DLGAP2: variants seen among roughly 807,000 people sequenced by gnomAD.
DLGAP2 encodes the protein disks large-associated protein 2.
A neutral mutation model predicts 100.3 loss-of-function variants in DLGAP2; 26 were observed. The ratio of observed to expected loss-of-function variants is 0.26; its 90% CI spans 0.19 to 0.36. DLGAP2 has a LOEUF of 0.36. Ranked by LOEUF, DLGAP2 falls within the 10% of genes least tolerant of loss-of-function variation. The pLI is 1.00. For missense variants in DLGAP2, 1,858 were observed against 1,453.2 expected (o/e 1.28, Z -4.53); for synonymous variants, 886 against 630.1 (o/e 1.41, Z -6.08).
At chr8:764,842 CT>C (rs1257178594) in intron 1 of DLGAP2, among the ~76,000 whole-genome samples, 2 of 152,240 alleles carry the variant, frequency 1.3e-5, no homozygotes, top group Admixed American at 1.3e-4. Context: ...AGCCACAGAA[CT>C]TTAAAAAAAT....
At chr8:1,143,276 A>T (rs887081613) in intron 2 of DLGAP2, among the ~76,000 whole-genome samples, 2 of 152,206 alleles carry the variant, frequency 1.3e-5, no homozygotes, top group Non-Finnish European at 2.9e-5. Flanking sequence ...TGAATGACGC[A>T]CTGAAACATA....
intron 2 of DLGAP2, among the ~76,000 whole-genome samples, chr8:1,060,792 A>G (rs907896806): frequency 1.3e-5 from 2 of 152,150 alleles, no homozygotes; most frequent in Non-Finnish European, 2.9e-5. Context: ...CGGGTTCCAC[A>G]TGCTGACCTC....
intron 2 of DLGAP2, among the ~76,000 whole-genome samples, chr8:980,395 C>T (rs1323944331): frequency 6.6e-6 from 1 of 152,176 alleles, no homozygotes; most frequent in East Asian, 1.9e-4. Context: ...GATAGACCTT[C>T]TAAAAACACA....
chr8:1,437,509 G>C (rs1021690909), intron 3 of DLGAP2, among the ~76,000 whole-genome samples: 1 of 152,122 alleles, frequency 6.6e-6, no homozygotes, highest in South Asian at 2.1e-4. Context: ...TTCTGACATC[G>C]ACCTAACCTC....
At chr8:1,512,119 C>T (rs1002183835) in intron 4 of DLGAP2, among the ~76,000 whole-genome samples, 25 of 152,222 alleles carry the variant, frequency 1.6e-4, no homozygotes, top group African/African-American at 5.5e-4. Flanking sequence ...CTCCCTAACG[C>T]GTCTGGTCCA....
At chr8:883,463 C>G (rs1223311263) in intron 1 of DLGAP2, 1 of 151,906 alleles carries the variant, frequency 6.6e-6, no homozygotes, top group Non-Finnish European at 1.5e-5. Context: ...TACAATAATG[C>G]TTTTATTACT....
chr8:1,254,888 C>CTGTGTCTGTGCTCTCTCCTGCCCGT (rs1799137521), intron 2 of DLGAP2, among the ~76,000 whole-genome samples: 2 of 128,736 alleles, frequency 1.6e-5, no homozygotes, highest in Admixed American at 7.4e-5. Flanking sequence ...CTCCTGCCCG[C>CTGTGTCTGTGCTCTCTCCTGCCCGT]GTGCTGTGTC....
intron 3 of DLGAP2, among the ~76,000 whole-genome samples, chr8:1,476,555 C>T (rs994806474): frequency 2.6e-5 from 4 of 152,190 alleles, no homozygotes; most frequent in Admixed American, 2.0e-4. Context: ...CATGGTTCCC[C>T]CCTCAGTTCC....
At chr8:1,514,020 G>T (rs754638262) in intron 4 of DLGAP2, among the ~76,000 whole-genome samples, 3 of 152,196 alleles carry the variant, frequency 2.0e-5, no homozygotes, top group African/African-American at 7.2e-5. Context: ...TATCTTACGT[G>T]ATATGGGGCA....
intron 3 of DLGAP2, among the ~76,000 whole-genome samples, chr8:1,490,724 A>C (rs1166616705): frequency 1.3e-5 from 2 of 152,164 alleles, no homozygotes; most frequent in Admixed American, 6.5e-5. Context: ...CCTGGGCCCC[A>C]CACCAGAACA....
Position 1,678,322 on chromosome 8 carries a change from C to A in DLGAP2, c.2397C>A (p.Phe799Leu). The A allele has an allele frequency of 6.2e-7, 1 of 1,614,030 alleles. No individual in the cohort carries two copies. Among genetic ancestry groups the A allele is most frequent in the Non-Finnish European group, 8.5e-7 (1 of 1,179,886 alleles). ...HITTEDKGLQ[F>L]GSSFQRHSEP... is the part of the protein sequence containing the mutation. The stretch of plus-strand genomic sequence containing the variant: ...CCACGGAGGACAAAGGCCTTCAGTT[C>A]GGCTCATCCTTCCAGCGGCACTCCG... Residue 799 changes from phenylalanine (F) to leucine (L), a missense_variant, in exon 12 of 15, where the codon TTC (phenylalanine) becomes TTA (leucine). Coordinates refer to ENST00000637795, the MANE Select transcript of DLGAP2 (RefSeq NM_001346810.2).
chr8:787,478 A>T (rs968997207), intron 1 of DLGAP2, among the ~76,000 whole-genome samples: 1 of 152,108 alleles, frequency 6.6e-6, no homozygotes, highest in Non-Finnish European at 1.5e-5. Flanking sequence ...GCCTGTTTTG[A>T]AGGAAGGATG....
intron 3 of DLGAP2, among the ~76,000 whole-genome samples, chr8:1,436,926 T>C (rs1244029872): frequency 6.6e-6 from 1 of 152,280 alleles, no homozygotes; most frequent in Non-Finnish European, 1.5e-5. Flanking sequence ...TACAGTTTTC[T>C]ACAGTCTTCA....
intron 8 of DLGAP2, among the ~76,000 whole-genome samples, chr8:1,647,318 C>G (rs4445252): frequency 1.3e-5 from 2 of 151,778 alleles, no homozygotes; most frequent in Admixed American, 6.6e-5. Flanking sequence ...AACCCCATCT[C>G]TACTAAACAA....
intron 4 of DLGAP2, among the ~76,000 whole-genome samples, chr8:1,515,814 C>A (rs34953188): frequency 2.0e-5 from 3 of 152,170 alleles, no homozygotes; most frequent in African/African-American, 7.2e-5. Context: ...CAGTCTGTTC[C>A]CTGCTCCCAT....
intron 5 of DLGAP2, among the ~76,000 whole-genome samples, chr8:1,559,859 C>T (rs1802100480): frequency 6.6e-6 from 1 of 152,228 alleles, no homozygotes; most frequent in Admixed American, 6.5e-5. Flanking sequence ...ATCGCCTCTG[C>T]CTGCACCTTC....
intron 2 of DLGAP2, among the ~76,000 whole-genome samples, chr8:1,119,434 C>A (rs557571653): frequency 6.6e-6 from 1 of 152,186 alleles, no homozygotes; most frequent in South Asian, 2.1e-4. Context: ...TTCCATGACA[C>A]CAAGAACATT....
chr8:1,529,689 C>T (rs558800899), intron 4 of DLGAP2, among the ~76,000 whole-genome samples: 7 of 152,280 alleles, frequency 4.6e-5, no homozygotes, highest in African/African-American at 1.7e-4. Flanking sequence ...GAAAAAATGG[C>T]AAATAATTAC....
intron 3 of DLGAP2, among the ~76,000 whole-genome samples, chr8:1,316,831 T>C (rs551821534): frequency 1.4e-4 from 21 of 145,326 alleles, no homozygotes; most frequent in African/African-American, 4.2e-4. Flanking sequence ...ATAGAGCCTG[T>C]GCGAGTGCAG....
Sources: gnomAD v4.1 joint callset for allele counts (sites outside exome capture counted in the v4.1 genomes callset) on GRCh38, gnomAD v4.1.1 for gene constraint, MANE v1.5 for transcripts, NCBI Gene and HGNC (gene_info 2026-07-23, HGNC 2026-07-21) for gene names.